Variants in MTHFD1L observed in about 807,000 individuals in gnomAD.
MTHFD1L encodes the protein monofunctional C1-tetrahydrofolate synthase, mitochondrial.
A neutral mutation model predicts 119.5 loss-of-function variants in MTHFD1L; 81 were observed. The observed-to-expected ratio is 0.68, with a 90% CI of 0.57 to 0.82. The LOEUF (loss-of-function observed/expected upper bound fraction) is 0.82, where lower values mean the gene tolerates loss of function less well. Among genes scored for constraint, MTHFD1L ranks in the 40% least tolerant of loss-of-function variants. The pLI, the probability that MTHFD1L is intolerant of heterozygous loss-of-function variation, is 0.00. For synonymous variants in MTHFD1L, 430 were observed against 475.2 expected (o/e 0.90, Z 1.24); for missense variants, 1,125 against 1,253.4 (o/e 0.90, Z 1.55).
intron 11 of MTHFD1L, among the ~76,000 whole-genome samples, chr6:150,932,850 G>GGA (rs1322692420): frequency 2.1e-5 from 3 of 142,120 alleles, no homozygotes; most frequent in African/African-American, 8.2e-5. Context: ...AAGGGAGAGA[G>GGA]AGTAATTAGA....
chr6:150,987,091 C>T (rs748002131), intron 20 of MTHFD1L, among the ~76,000 whole-genome samples: 1 of 152,144 alleles, frequency 6.6e-6, no homozygotes, highest in Admixed American at 6.5e-5. Flanking sequence ...CTTATTTTCT[C>T]GCTACTGAAA....
chr6:151,061,680 C>A (rs564706480), intron 26 of MTHFD1L, among the ~76,000 whole-genome samples: 3 of 152,322 alleles, frequency 2.0e-5, no homozygotes, highest in African/African-American at 4.8e-5. Context: ...CTGGAGACAT[C>A]TGTGCTATCA....
chr6:150,998,775 G>A (rs1330884306), intron 20 of MTHFD1L, among the ~76,000 whole-genome samples: 2 of 144,166 alleles, frequency 1.4e-5, no homozygotes, highest in Admixed American at 1.4e-4. Flanking sequence ...TCAGGAGTTC[G>A]AGACCAGCCT....
Position 150,951,792 on chromosome 6 carries a change from C to CT in MTHFD1L, c.1726+2670dup, listed in dbSNP as rs907549007. 5.7e-3 allele frequency among the ~76,000 whole-genome samples: 825 copies of CT among 144,606 alleles called. 1 individual carries two copies. The highest frequency in any genetic ancestry group is 0.011 in the African/African-American group (441 of 39,542). The allele number at this position is 144,606 out of a possible 152,430, so 94.9% of individuals were successfully genotyped here. A position where few individuals can be genotyped will look rare whatever the true frequency, so the allele number is the denominator to read the frequency against. Reference sequence around the variant, plus strand: ...CATCATGTCCAAAATGTATTGTCATCTTTTTTTTTTTCAAAGCATTTGTGA... The same window carrying CT: ...CATCATGTCCAAAATGTATTGTCATCTTTTTTTTTTTTCAAAGCATTTGTGA... On this transcript the variant is annotated intron_variant, in intron 16 of 27. Coordinates refer to ENST00000367321, the MANE Select transcript of MTHFD1L (RefSeq NM_015440.5).
At chr6:150,905,901 G>T in intron 8 of MTHFD1L, 140 bp downstream of exon 8, 1 of 658,898 alleles carries the variant, frequency 1.5e-6, no homozygotes, top group East Asian at 2.9e-5. Context: ...CTTAGACTGT[G>T]GGCTACCTGA....
At chr6:150,867,761 TG>T (rs1290574012) in intron 1 of MTHFD1L, among the ~76,000 whole-genome samples, 1 of 151,642 alleles carries the variant, frequency 6.6e-6, no homozygotes, top group Non-Finnish European at 1.5e-5. Context: ...CTTCAAGATT[TG>T]GGGTCATCTG....
chr6:151,047,223 A>G (rs563327783), intron 26 of MTHFD1L, among the ~76,000 whole-genome samples: 10 of 152,332 alleles, frequency 6.6e-5, no homozygotes, highest in South Asian at 4.1e-4. Flanking sequence ...CGTTTGGCTT[A>G]AAGTCACTGT....
At chr6:151,040,016 G>A (rs1051187727) in intron 26 of MTHFD1L, among the ~76,000 whole-genome samples, 4 of 152,172 alleles carry the variant, frequency 2.6e-5, no homozygotes, top group Non-Finnish European at 5.9e-5. Flanking sequence ...GCTTTAGCTG[G>A]TGAAAGCCTT....
intron 26 of MTHFD1L, among the ~76,000 whole-genome samples, chr6:151,081,304 C>A (rs899865719): frequency 2.6e-5 from 4 of 152,124 alleles, no homozygotes; most frequent in African/African-American, 9.7e-5. Context: ...CAAACTCTTC[C>A]TTTGCCACTG....
intron 19 of MTHFD1L, among the ~76,000 whole-genome samples, chr6:150,967,052 C>T (rs1472701681): frequency 6.6e-6 from 1 of 152,168 alleles, no homozygotes; most frequent in South Asian, 2.1e-4. Flanking sequence ...TGCCAGCATG[C>T]ACGTATCCTC....
chr6:151,086,945 C>G (rs1210996142), intron 26 of MTHFD1L, among the ~76,000 whole-genome samples: 1 of 152,068 alleles, frequency 6.6e-6, no homozygotes, highest in Admixed American at 6.6e-5. Flanking sequence ...AAAAGAAAAT[C>G]TTTTTATTTA....
intron 24 of MTHFD1L, among the ~76,000 whole-genome samples, chr6:151,029,319 G>T (rs1232181935): frequency 6.6e-6 from 1 of 151,882 alleles, no homozygotes; most frequent in African/African-American, 2.4e-5. Context: ...TGTTCGGGAG[G>T]CTGAGGCAGA....
At position 150,962,443 on chromosome 6, in the gene MTHFD1L, C is replaced by G. The variant is rs1398540071; in HGVS notation, c.1944+2028C>G. Among the ~76,000 whole-genome samples the G allele has an allele frequency of 2.0e-5, 3 of 152,134 alleles. No individual in the cohort carries two copies. In the East Asian group the frequency reaches 5.8e-4, roughly 29 times the overall value. Reference sequence around the variant, plus strand: ...TGTGTTTCTTGTTTGCAAAAAGTAACTAATTTATTAAATTGTGCTTCATCC... The same window carrying G: ...TGTGTTTCTTGTTTGCAAAAAGTAAGTAATTTATTAAATTGTGCTTCATCC... On this transcript the variant is annotated intron_variant, in intron 18 of 27. Coordinates refer to ENST00000367321, the MANE Select transcript of MTHFD1L (RefSeq NM_015440.5).
chr6:151,090,076 A>G (rs1260201908), intron 26 of MTHFD1L, among the ~76,000 whole-genome samples: 1 of 152,240 alleles, frequency 6.6e-6, no homozygotes, highest in East Asian at 1.9e-4. Context: ...ATGTGCAATT[A>G]GCAAGACAAG....
intron 19 of MTHFD1L, 48 bp downstream of exon 19, chr6:150,965,085 C>T: frequency 1.9e-6 from 3 of 1,555,214 alleles, no homozygotes; most frequent in Non-Finnish European, 2.7e-6. Context: ...ACTGGATTGC[C>T]ACACAATGTG....
intron 7 of MTHFD1L, among the ~76,000 whole-genome samples, chr6:150,894,031 C>T (rs1418041762): frequency 3.3e-5 from 5 of 152,036 alleles, no homozygotes; most frequent in Admixed American, 3.3e-4. Flanking sequence ...ATTGCTTGAG[C>T]CCAGGAGTTT....
chr6:150,910,790 A>G (rs1786755681), intron 8 of MTHFD1L, among the ~76,000 whole-genome samples: 1 of 152,122 alleles, frequency 6.6e-6, no homozygotes, highest in South Asian at 2.1e-4. Context: ...CCTTGTTGCC[A>G]TGTCACCTGC....
Position 150,935,096 on chromosome 6 carries a change from G to C in MTHFD1L, c.1257-1708G>C, listed in dbSNP as rs148869633. The stretch of plus-strand genomic sequence containing the variant: ...TGTCTTATACAGGCTGCAGTTCAAT[G>C]AATTTGTAAATACCATACCTACCAA... On this transcript the variant is annotated intron_variant, in intron 11 of 27. Coordinates refer to ENST00000367321, the MANE Select transcript of MTHFD1L (RefSeq NM_015440.5). 4.7e-3 allele frequency: 7,634 copies of C among 1,613,926 alleles called. 41 individuals are homozygous for C. Among genetic ancestry groups the C allele is most frequent in the South Asian group, 0.012 (1,106 of 91,058 alleles).
intron 24 of MTHFD1L, among the ~76,000 whole-genome samples, chr6:151,027,421 G>C (rs1034589800): frequency 6.6e-6 from 1 of 152,070 alleles, no homozygotes; most frequent in Non-Finnish European, 1.5e-5. Flanking sequence ...ATGCCTTTGG[G>C]ATCCTACTTT....
Sources: gnomAD v4.1 joint callset for allele counts (sites outside exome capture counted in the v4.1 genomes callset) on GRCh38, gnomAD v4.1.1 for gene constraint, MANE v1.5 for transcripts, NCBI Gene and HGNC (gene_info 2026-07-23, HGNC 2026-07-21) for gene names.